Variants in DMD observed in about 807,000 individuals in gnomAD.
DMD encodes the protein dystrophin.
Under a neutral mutation model 330.1 loss-of-function variants are expected in DMD, and 63 were observed. The observed-to-expected ratio is 0.19, with a 90% CI of 0.16 to 0.24. The LOEUF is 0.24. Ranked by LOEUF, DMD falls within the 10% of genes least tolerant of loss-of-function variation. The pLI is 1.00. For missense variants in DMD, 3,344 were observed against 2,684.1 expected (o/e 1.25, Z -5.43); for synonymous variants, 1,223 against 959.8 (o/e 1.27, Z -5.07).
intron 21 of DMD, among the ~76,000 whole-genome samples, chrX:32,483,094 C>G (rs1018534038): frequency 4.3e-5 from 4 of 93,506 alleles, no homozygotes; most frequent in Admixed American, 1.3e-4. Context: ...GAATTAATTT[C>G]AAATTAACAA....
At chrX:31,450,647 G>A (rs747400224) in intron 59 of DMD, among the ~76,000 whole-genome samples, 10 of 112,046 alleles carry the variant, frequency 8.9e-5, no homozygotes, top group Admixed American at 3.8e-4. Context: ...CTTCAGCCAG[G>A]TTTAAGAGAA....
chrX:31,327,961 A>G (rs1197735673), intron 61 of DMD, among the ~76,000 whole-genome samples: 1 of 112,709 alleles, frequency 8.9e-6, no homozygotes, highest in African/African-American at 3.2e-5. Flanking sequence ...TTTGGCAATC[A>G]TGAATAAAGC....
intron 44 of DMD, among the ~76,000 whole-genome samples, chrX:32,119,405 G>T (rs1006616120): frequency 9.1e-6 from 1 of 109,396 alleles, no homozygotes; most frequent in Non-Finnish European, 1.9e-5. Context: ...AACCCTATTT[G>T]CAAGGTGACA....
chrX:32,582,639 G>A (rs1601874837), intron 13 of DMD, among the ~76,000 whole-genome samples: 1 of 111,295 alleles, frequency 9.0e-6, no homozygotes. Context: ...AATTCATATG[G>A]AGATCGAAAT....
chrX:32,199,185 G>A (rs1881056530), intron 44 of DMD, among the ~76,000 whole-genome samples: 1 of 111,602 alleles, frequency 9.0e-6, no homozygotes, highest in African/African-American at 3.3e-5. Context: ...TAACTTCCAT[G>A]GCCAAGATAC....
chrX:31,810,634 C>T (rs751387775), intron 50 of DMD, among the ~76,000 whole-genome samples: 4 of 112,007 alleles, frequency 3.6e-5, no homozygotes, highest in Non-Finnish European at 7.5e-5. Flanking sequence ...TGTTCAAATA[C>T]TTTTCAGACC....
chrX:32,590,088 A>G (rs190137861), intron 13 of DMD, among the ~76,000 whole-genome samples: 3 of 112,299 alleles, frequency 2.7e-5, no homozygotes, highest in Admixed American at 1.9e-4. Flanking sequence ...CTAACAAAAT[A>G]ATTTGTCTTA....
intron 2 of DMD, among the ~76,000 whole-genome samples, chrX:32,991,306 A>T (rs2092967676): frequency 9.0e-6 from 1 of 111,542 alleles, no homozygotes; most frequent in Admixed American, 9.6e-5. Flanking sequence ...CATTGAGATG[A>T]AAGTATTTTG....
intron 44 of DMD, among the ~76,000 whole-genome samples, chrX:32,174,052 CTT>C (rs2096897743): frequency 8.9e-6 from 1 of 111,918 alleles, no homozygotes; most frequent in Non-Finnish European, 1.9e-5. Flanking sequence ...GGCAAAAAGT[CTT>C]CATAAAAATT....
At chrX:31,136,286 C>T in intron 76 of DMD, among the ~76,000 whole-genome samples, 1 of 111,791 alleles carries the variant, frequency 8.9e-6, no homozygotes, top group Non-Finnish European at 1.9e-5. Flanking sequence ...TCTTCCTCCC[C>T]CCTCACACAC....
intron 48 of DMD, among the ~76,000 whole-genome samples, chrX:31,844,466 T>A (rs191334816): frequency 1.8e-5 from 2 of 111,586 alleles, no homozygotes; most frequent in Non-Finnish European, 3.8e-5. Flanking sequence ...TTGGTTAATA[T>A]CATGCTTTAT....
At chrX:32,582,311 T>G (rs2053735095) in intron 13 of DMD, among the ~76,000 whole-genome samples, 1 of 111,347 alleles carries the variant, frequency 9.0e-6, no homozygotes, top group African/African-American at 3.3e-5. Flanking sequence ...GCATGGTACC[T>G]GGATACAAGA....
intron 1 of DMD, chrX:33,127,951 C>T: frequency 1.1e-6 from 1 of 926,509 alleles, no homozygotes; most frequent in Non-Finnish European, 1.4e-6. Flanking sequence ...TGTCAAACCC[C>T]TTTCTTCCCT....
intron 60 of DMD, among the ~76,000 whole-genome samples, chrX:31,359,561 G>A (rs190382414): frequency 2.7e-5 from 3 of 112,176 alleles, no homozygotes; most frequent in African/African-American, 9.7e-5. Context: ...AGTAATAATA[G>A]CAAACATTTA....
intron 1 of DMD, among the ~76,000 whole-genome samples, chrX:33,218,489 G>A (rs2052098602): frequency 9.1e-6 from 1 of 109,991 alleles, no homozygotes. Context: ...GAACTTTTTT[G>A]CCTATAGATA....
intron 44 of DMD, among the ~76,000 whole-genome samples, chrX:32,138,676 G>T (rs577791449): frequency 1.3e-4 from 15 of 111,952 alleles, no homozygotes; most frequent in South Asian, 1.1e-3. Context: ...GCCAAGACCT[G>T]CACAGAGCAC....
At position 32,685,887 on chromosome X, in the gene DMD, A is replaced by G. The variant is rs1160872976; in HGVS notation, c.960+11983T>C. 5.4e-5 allele frequency among the ~76,000 whole-genome samples: 6 copies of G among 112,105 alleles called. No individual in the cohort carries two copies. In the Admixed American group the frequency reaches 5.7e-4, roughly 11 times the overall value. Reference sequence around the variant, plus strand: ...GTATTTCTATTAAACTTTATAATGAACAAAATATGTGACCGTTAATTATGT... The same window carrying G: ...GTATTTCTATTAAACTTTATAATGAGCAAAATATGTGACCGTTAATTATGT... On this transcript the variant is annotated intron_variant, in intron 9 of 78. Coordinates refer to ENST00000357033, the MANE Select transcript of DMD (RefSeq NM_004006.3).
At chrX:31,442,004 T>G (rs755445514) in intron 60 of DMD, among the ~76,000 whole-genome samples, 32 of 112,258 alleles carry the variant, frequency 2.9e-4, no homozygotes, top group Non-Finnish European at 5.4e-4. Context: ...TGAAATTTGC[T>G]ACAATATAGA....
At chrX:32,490,343 CATT>C (rs752541828) in intron 20 of DMD, among the ~76,000 whole-genome samples, 14 of 111,847 alleles carry the variant, frequency 1.3e-4, no homozygotes, top group African/African-American at 4.5e-4. Flanking sequence ...AGGCTATTTT[CATT>C]ATTATACAGC....
Sources: allele counts gnomAD v4.1 joint callset (sites outside exome capture counted in the v4.1 genomes callset), GRCh38; gene constraint gnomAD v4.1.1; transcripts MANE v1.5; gene names NCBI Gene and HGNC (gene_info 2026-07-23, HGNC 2026-07-21).